Variants in SND1 observed in about 807,000 individuals in gnomAD.
SND1 encodes the protein staphylococcal nuclease domain-containing protein 1.
SND1 carries 38 observed loss-of-function variants against 121.7 expected under a neutral mutation model. The ratio of observed to expected loss-of-function variants is 0.31; its 90% CI spans 0.24 to 0.41. The LOEUF (loss-of-function observed/expected upper bound fraction) is 0.41, where lower values mean the gene tolerates loss of function less well. Ranked by LOEUF, SND1 falls within the 10% of genes least tolerant of loss-of-function variation. The pLI, the probability that SND1 is intolerant of heterozygous loss-of-function variation, is 1.00. For synonymous variants in SND1, 401 were observed against 447.4 expected, an observed-to-expected ratio of 0.90 and a Z score of 1.31; for missense variants, 868 against 1,184.6, an observed-to-expected ratio of 0.73 and a Z score of 3.92.
chr7:127,796,175 A>T (rs1798021963), intron 10 of SND1, among the ~76,000 whole-genome samples: 2 of 152,012 alleles, frequency 1.3e-5, no homozygotes, highest in South Asian at 2.1e-4. Context: ...ATAGTATAAA[A>T]TCATATTTAG....
chr7:127,708,030 A>G lies in SND1; in HGVS notation c.1038+383A>G, dbSNP rs1458030747. 2.0e-5 allele frequency among the ~76,000 whole-genome samples: 3 copies of G among 152,172 alleles called. No individual in the cohort carries two copies. The East Asian group carries it at 5.8e-4, about 29-fold the overall frequency. On this transcript the variant is annotated intron_variant, in intron 9 of 23. Coordinates refer to ENST00000354725, the MANE Select transcript of SND1 (RefSeq NM_014390.4). ...TTGACTTTACAGTGGTGTGAAAGCA[A>G]TAGATACTCAGTAGGAACCACATTT...
intron 15 of SND1, among the ~76,000 whole-genome samples, chr7:127,984,929 C>T (rs182931450): frequency 8.5e-5 from 13 of 152,336 alleles, no homozygotes; most frequent in Admixed American, 2.0e-4. Context: ...TGCCTCCTTC[C>T]TCTGGCTCCT....
intron 10 of SND1, among the ~76,000 whole-genome samples, chr7:127,766,743 G>A (rs982430620): frequency 9.2e-6 from 1 of 108,700 alleles, no homozygotes; most frequent in Non-Finnish European, 1.7e-5. Flanking sequence ...CTGCACTCCA[G>A]CCTGGGTGAC....
At chr7:127,674,610 T>G (rs1184321218) in intron 1 of SND1, among the ~76,000 whole-genome samples, 2 of 152,262 alleles carry the variant, frequency 1.3e-5, no homozygotes, top group Non-Finnish European at 2.9e-5. Context: ...TTTTTTGACC[T>G]GTTGGTAGCT....
chr7:128,025,832 A>G (rs1032279223), intron 16 of SND1, among the ~76,000 whole-genome samples: 1 of 152,138 alleles, frequency 6.6e-6, no homozygotes, highest in Non-Finnish European at 1.5e-5. Flanking sequence ...GTTCCTTTCA[A>G]AAGTCCTTCT....
chr7:127,790,726 G>T (rs1369311727), intron 10 of SND1, among the ~76,000 whole-genome samples: 1 of 152,192 alleles, frequency 6.6e-6, no homozygotes, highest in Non-Finnish European at 1.5e-5. Flanking sequence ...AGTTGGGTTA[G>T]ATGTATTACG....
chr7:127,714,473 T>C (rs1209630161), intron 9 of SND1, among the ~76,000 whole-genome samples: 2 of 152,236 alleles, frequency 1.3e-5, no homozygotes, highest in Admixed American at 1.3e-4. Context: ...TTTCCTCAAA[T>C]TGTTTATAAT....
At chr7:127,941,194 C>G (rs1056539577) in intron 15 of SND1, among the ~76,000 whole-genome samples, 1 of 152,104 alleles carries the variant, frequency 6.6e-6, no homozygotes, top group Non-Finnish European at 1.5e-5. Context: ...TAATCTAGAC[C>G]TTGTAAGTTT....
chr7:128,014,657 C>T (rs1203643108), intron 16 of SND1, among the ~76,000 whole-genome samples: 4 of 152,076 alleles, frequency 2.6e-5, no homozygotes, highest in African/African-American at 9.7e-5. Context: ...TACACATGCA[C>T]ACAAAGCCCA....
rs76970648 is a variant in SND1 at position 127,711,085 on chromosome 7, A to G, written c.1038+3438A>G. Reference sequence around the variant, plus strand: ...GAGATTCATTCAGTCTGCTAACAGTATCTTGGAGCTTTGCAACCTGCATCA... The same window carrying G: ...GAGATTCATTCAGTCTGCTAACAGTGTCTTGGAGCTTTGCAACCTGCATCA... On this transcript the variant is annotated intron_variant, in intron 9 of 23. Coordinates refer to ENST00000354725, the MANE Select transcript of SND1 (RefSeq NM_014390.4). 4.6e-3 allele frequency among the ~76,000 whole-genome samples: 703 copies of G among 152,282 alleles called. 7 individuals are homozygous for G. Among genetic ancestry groups the G allele is most frequent in the African/African-American group, 0.016 (669 of 41,566 alleles).
chr7:127,700,271 T>C (rs1055976903), intron 4 of SND1, among the ~76,000 whole-genome samples: 8 of 152,214 alleles, frequency 5.3e-5, no homozygotes, highest in Middle Eastern at 3.2e-3. Flanking sequence ...TTCAATCTCT[T>C]ACACTACATT....
intron 22 of SND1, among the ~76,000 whole-genome samples, chr7:128,090,791 CTG>C (rs1793766754): frequency 6.6e-6 from 1 of 152,094 alleles, no homozygotes; most frequent in African/African-American, 2.4e-5. Context: ...TGGACTGCCG[CTG>C]TGTCTCAAGA....
chr7:127,773,501 T>C (rs717944), intron 10 of SND1, among the ~76,000 whole-genome samples: 15,010 of 151,252 alleles, frequency 0.099, 1,055 homozygotes, highest in Admixed American at 0.2. Context: ...GTTAGAATAA[T>C]GGTTTGGGAT....
intron 9 of SND1, among the ~76,000 whole-genome samples, chr7:127,713,035 CTAAG>C (rs1200587361): frequency 5.3e-5 from 8 of 152,228 alleles, no homozygotes; most frequent in Non-Finnish European, 1.0e-4. Context: ...GTATATACCA[CTAAG>C]TGTGTTCATT....
intron 10 of SND1, among the ~76,000 whole-genome samples, chr7:127,772,590 C>T (rs996493539): frequency 6.6e-6 from 1 of 152,158 alleles, no homozygotes; most frequent in South Asian, 2.1e-4. Flanking sequence ...AAATATTCCC[C>T]CAATATCTCA....
At chr7:127,864,220 A>G (rs1799428912) in intron 12 of SND1, among the ~76,000 whole-genome samples, 1 of 118,010 alleles carries the variant, frequency 8.5e-6, no homozygotes, top group African/African-American at 3.3e-5. Flanking sequence ...ATATGCAAGC[A>G]TGTTTTCTTG....
intron 1 of SND1, among the ~76,000 whole-genome samples, chr7:127,672,099 A>T (rs184999502): frequency 3.3e-3 from 498 of 152,284 alleles, no homozygotes; most frequent in Non-Finnish European, 5.4e-3. Context: ...GGGGGTTACA[A>T]ATATATTATA....
At chr7:127,703,777 A>G (rs1235343525) in intron 7 of SND1, among the ~76,000 whole-genome samples, 1 of 152,206 alleles carries the variant, frequency 6.6e-6, no homozygotes, top group East Asian at 1.9e-4. Context: ...CTAGGGAGTT[A>G]TCATTTGTCT....
At chr7:127,729,559 T>C (rs563915376) in intron 10 of SND1, among the ~76,000 whole-genome samples, 1 of 152,090 alleles carries the variant, frequency 6.6e-6, no homozygotes, top group East Asian at 1.9e-4. Flanking sequence ...GTGGGCTAAT[T>C]AGCTTTGTAC....
Sources: gnomAD v4.1 joint callset for allele counts (sites outside exome capture counted in the v4.1 genomes callset) on GRCh38, gnomAD v4.1.1 for gene constraint, MANE v1.5 for transcripts, NCBI Gene and HGNC (gene_info 2026-07-23, HGNC 2026-07-21) for gene names.